FOXP1: variants seen among roughly 807,000 people sequenced by gnomAD.
FOXP1 encodes the protein forkhead box P1.
FOXP1 carries 15 observed loss-of-function variants against 98.2 expected under a neutral mutation model. The observed-to-expected ratio is 0.15, with a 90% CI of 0.10 to 0.24. FOXP1 has a LOEUF of 0.24. Ranked by LOEUF, FOXP1 falls within the 10% of genes least tolerant of loss-of-function variation. FOXP1 has a pLI of 1.00. For synonymous variants in FOXP1, 371 were observed against 314.5 expected (o/e 1.18, Z -1.90); for missense variants, 633 against 848.5 (o/e 0.75, Z 3.15).
At chr3:71,442,265 A>G (rs2086006147) in intron 3 of FOXP1, among the ~76,000 whole-genome samples, 1 of 151,980 alleles carries the variant, frequency 6.6e-6, no homozygotes. Context: ...CCATTAGCCA[A>G]CCAGACTGAG....
chr3:71,185,589 G>A (rs1310564159), intron 6 of FOXP1, among the ~76,000 whole-genome samples: 2 of 152,186 alleles, frequency 1.3e-5, no homozygotes, highest in African/African-American at 4.8e-5. Flanking sequence ...CACCTGGGTA[G>A]ACAGATAGTC....
At chr3:71,121,787 T>A (rs1481119005) in intron 6 of FOXP1, among the ~76,000 whole-genome samples, 1 of 152,232 alleles carries the variant, frequency 6.6e-6, no homozygotes, top group African/African-American at 2.4e-5. Context: ...TTAAGTTGGA[T>A]GCTGCATCAA....
chr3:71,251,323 C>T (rs1360464322), intron 5 of FOXP1, among the ~76,000 whole-genome samples: 1 of 152,226 alleles, frequency 6.6e-6, no homozygotes, highest in African/African-American at 2.4e-5. Flanking sequence ...TAAGCAGTCA[C>T]GTGCCTCCAT....
chr3:71,485,209 C>T (rs114476483), intron 3 of FOXP1, among the ~76,000 whole-genome samples: 2,488 of 152,172 alleles, frequency 0.016, 63 homozygotes, highest in African/African-American at 0.057. Context: ...GGTTTATCAA[C>T]GACTAGATTA....
chr3:71,199,110 CT>C (rs11441489), intron 5 of FOXP1, among the ~76,000 whole-genome samples: 66 of 140,238 alleles, frequency 4.7e-4, no homozygotes, highest in Admixed American at 8.5e-4. Flanking sequence ...TGGTATTACA[CT>C]TTTTTTTTTT....
chr3:71,203,943 A>T (rs2063831011), intron 5 of FOXP1, among the ~76,000 whole-genome samples: 1 of 50,448 alleles, frequency 2.0e-5, no homozygotes, highest in Non-Finnish European at 5.2e-5. Flanking sequence ...GGAAGGAGGA[A>T]GGAAGGAAGG....
intron 19 of FOXP1, chr3:70,970,232 G>T: frequency 5.7e-6 from 1 of 175,470 alleles, no homozygotes; most frequent in Non-Finnish European, 1.2e-5. Flanking sequence ...TGTTTAAACA[G>T]ACATGGTTTA....
intron 3 of FOXP1, among the ~76,000 whole-genome samples, chr3:71,488,131 C>T (rs532014022): frequency 2.7e-4 from 41 of 152,228 alleles, no homozygotes; most frequent in Non-Finnish European, 3.7e-4. Flanking sequence ...TATGAAGTAA[C>T]ATGTTTAACA....
chr3:71,515,770 G>A (rs1387741312), intron 2 of FOXP1, among the ~76,000 whole-genome samples: 1 of 152,132 alleles, frequency 6.6e-6, no homozygotes, highest in East Asian at 1.9e-4. Context: ...TTCAACATAA[G>A]CAAAAACACT....
chr3:71,037,834 T>C (rs1320957837), intron 11 of FOXP1, among the ~76,000 whole-genome samples: 2 of 152,180 alleles, frequency 1.3e-5, no homozygotes, highest in African/African-American at 2.4e-5. Context: ...CATGGGCCGC[T>C]CCTCCCGTAA....
At chr3:71,250,352 G>A (rs1006336302) in intron 5 of FOXP1, among the ~76,000 whole-genome samples, 5 of 152,132 alleles carry the variant, frequency 3.3e-5, no homozygotes, top group African/African-American at 1.2e-4. Flanking sequence ...CATCCAATAG[G>A]GTAGCCAATA....
At chr3:71,483,463 A>G (rs1343793443) in intron 3 of FOXP1, among the ~76,000 whole-genome samples, 1 of 152,166 alleles carries the variant, frequency 6.6e-6, no homozygotes, top group Non-Finnish European at 1.5e-5. Flanking sequence ...TTGGCAAACT[A>G]TAGGCGCGTG....
chr3:71,354,293 A>G (rs2078011875), intron 4 of FOXP1, among the ~76,000 whole-genome samples: 1 of 142,406 alleles, frequency 7.0e-6, no homozygotes, highest in Non-Finnish European at 1.6e-5. Flanking sequence ...AAAAAAAAAG[A>G]GAGAGAGAAG....
intron 7 of FOXP1, among the ~76,000 whole-genome samples, chr3:71,066,241 G>A (rs1189995673): frequency 6.6e-6 from 1 of 152,160 alleles, no homozygotes; most frequent in Non-Finnish European, 1.5e-5. Context: ...GCAAATGCCT[G>A]AATTTCAACA....
At chr3:71,335,743 G>A (rs189298898) in intron 4 of FOXP1, among the ~76,000 whole-genome samples, 2 of 152,098 alleles carry the variant, frequency 1.3e-5, no homozygotes, top group African/African-American at 4.8e-5. Context: ...GGTGGCTCAC[G>A]CTTATAATCT....
chr3:71,265,881 G>A (rs541595771), intron 5 of FOXP1, among the ~76,000 whole-genome samples: 1 of 152,290 alleles, frequency 6.6e-6, no homozygotes, highest in East Asian at 1.9e-4. Context: ...GTATCAAAAG[G>A]CAGGAGCTCA....
chr3:71,231,937 C>A (rs1421391484), intron 5 of FOXP1, among the ~76,000 whole-genome samples: 1 of 152,246 alleles, frequency 6.6e-6, no homozygotes, highest in Non-Finnish European at 1.5e-5. Context: ...CCTGGGTGAT[C>A]CTTCAATTGC....
intron 18 of FOXP1, 187 bp downstream of exon 18, chr3:70,972,368 A>C (rs2036450390): frequency 1.1e-6 from 1 of 936,886 alleles, no homozygotes; most frequent in Non-Finnish European, 1.7e-6. Flanking sequence ...AACAAAGACC[A>C]GCAAGCAGGG....
In FOXP1 at chr3:71,448,533, T is replaced by C. The variant is rs552502778; in HGVS notation, c.-168+44893A>G. ...GCTCATGGGTTAGGGTCTGTTGTTATTGACCTGTGAACTTGGGTAAATGAT... is the reference window on the plus strand; with the variant it reads ...GCTCATGGGTTAGGGTCTGTTGTTACTGACCTGTGAACTTGGGTAAATGAT... On this transcript the variant is annotated intron_variant, in intron 3 of 20. Coordinates refer to ENST00000649528, the MANE Select transcript of FOXP1 (RefSeq NM_001349338.3). 4.6e-5 allele frequency among the ~76,000 whole-genome samples: 7 copies of C among 152,348 alleles called. No individual in the cohort carries two copies. The East Asian group carries it at 7.7e-4, about 17-fold the overall frequency.
Sources: gnomAD v4.1 joint callset for allele counts (sites outside exome capture counted in the v4.1 genomes callset) on GRCh38, gnomAD v4.1.1 for gene constraint, MANE v1.5 for transcripts, NCBI Gene and HGNC (gene_info 2026-07-23, HGNC 2026-07-21) for gene names.